The following GNB4 variants were observed in gnomAD, a reference collection of about 807,000 sequenced individuals.
GNB4 encodes G protein subunit beta 4.
Under a neutral mutation model 45.2 loss-of-function variants are expected in GNB4, and 28 were observed. The observed-to-expected ratio is 0.62, with a 90% CI of 0.46 to 0.85. The LOEUF (loss-of-function observed/expected upper bound fraction) is 0.85, where lower values mean the gene tolerates loss of function less well. Among genes scored for constraint, GNB4 ranks in the 40% least tolerant of loss-of-function variants. GNB4 has a pLI of 0.00. For missense variants in GNB4, 321 were observed against 425.4 expected, an observed-to-expected ratio of 0.75 and a Z score of 2.16; for synonymous variants, 132 against 143.7, an observed-to-expected ratio of 0.92 and a Z score of 0.58.
chr3:179,461,116 G>A, the GNB4 span, among the ~76,000 whole-genome samples: 9 of 151,830 alleles, frequency 5.9e-5, no homozygotes, highest in Non-Finnish European at 1.3e-4. Context: ...TATCTTCCTC[G>A]TCCATCTCCT....
At chr3:179,414,810 TC>T in intron 6 of GNB4, 74 bp downstream of exon 6, 4 of 1,220,772 alleles carry the variant, frequency 3.3e-6, no homozygotes, top group Admixed American at 4.1e-5. Flanking sequence ...CCGAGCACAA[TC>T]TGTCATTTGT....
chr3:179,482,594 G>C, the GNB4 span, among the ~76,000 whole-genome samples: 2 of 152,094 alleles, frequency 1.3e-5, no homozygotes, highest in East Asian at 3.9e-4. Context: ...AGACATTGAG[G>C]CTGTAGTTCC....
At chr3:179,461,780 T>C in the GNB4 span, among the ~76,000 whole-genome samples, 1 of 152,252 alleles carries the variant, frequency 6.6e-6, no homozygotes. Context: ...TATTAAATTC[T>C]ACCTTTCATT....
chr3:179,475,542 G>T, the GNB4 span, among the ~76,000 whole-genome samples: 1 of 151,784 alleles, frequency 6.6e-6, no homozygotes, highest in African/African-American at 2.4e-5. Context: ...GCGAGATCTC[G>T]GCTCACTGCA....
the GNB4 span, among the ~76,000 whole-genome samples, chr3:179,519,409 G>T: frequency 6.6e-6 from 1 of 152,262 alleles, no homozygotes; most frequent in South Asian, 2.1e-4. Context: ...TCACAGTGGA[G>T]GGTAAGTCCA....
At chr3:179,484,912 G>C in the GNB4 span, among the ~76,000 whole-genome samples, 6 of 149,782 alleles carry the variant, frequency 4.0e-5, no homozygotes, top group Admixed American at 4.0e-4. Context: ...TTGATCAGTT[G>C]ACAAAAATTT....
intron 8 of GNB4, 43 bp downstream of exon 8, chr3:179,413,369 T>C: frequency 6.7e-7 from 1 of 1,499,104 alleles, no homozygotes; most frequent in Non-Finnish European, 9.3e-7. Context: ...GCTCAACACT[T>C]TAAATGCATA....
At chr3:179,496,733 C>G in the GNB4 span, among the ~76,000 whole-genome samples, 1 of 151,790 alleles carries the variant, frequency 6.6e-6, no homozygotes, top group African/African-American at 2.4e-5. Flanking sequence ...AAAACTGTAA[C>G]GGGAGACAAA....
At chr3:179,460,765 A>G in the GNB4 span, among the ~76,000 whole-genome samples, 1 of 152,036 alleles carries the variant, frequency 6.6e-6, no homozygotes, top group African/African-American at 2.4e-5. Context: ...CAGCCTCCCA[A>G]GTAGCTGGGA....
Position 179,397,095 on chromosome 3 carries a change from G to A in GNB4, c.*4118C>T, listed in dbSNP as rs938122066. ...TTTTAAAAAAATTCAGCCTGACTCC[G>A]ACCCTGAAGATTTCAGAAAGAACAT... On this transcript the variant is annotated 3_prime_UTR_variant, in exon 10 of 10. Coordinates refer to ENST00000232564, the MANE Select transcript of GNB4 (RefSeq NM_021629.4). 1 of 152,104 alleles carries A rather than the reference G, an allele frequency of 6.6e-6. No homozygotes were observed. The highest frequency in any genetic ancestry group is 1.5e-5 in the Non-Finnish European group (1 of 68,002). 9.4% of individuals were successfully genotyped at this position (152,104 alleles called of 1,614,324 possible).
chr3:179,482,375 G>A, the GNB4 span, among the ~76,000 whole-genome samples: 15 of 152,144 alleles, frequency 9.9e-5, no homozygotes, highest in East Asian at 2.9e-3. Context: ...AAAATATTAG[G>A]GTGGGTTCTC....
the GNB4 span, among the ~76,000 whole-genome samples, chr3:179,470,845 G>T: frequency 6.6e-6 from 1 of 152,128 alleles, no homozygotes. Context: ...CTACAAAAGA[G>T]TCAAAAAGTT....
chr3:179,473,746 G>A, the GNB4 span, among the ~76,000 whole-genome samples: 2 of 152,194 alleles, frequency 1.3e-5, no homozygotes, highest in African/African-American at 2.4e-5. Flanking sequence ...CTGAGTCACA[G>A]ATGTTTGAAA....
At chr3:179,408,121 GGTAA>G (rs1311323418) in intron 8 of GNB4, among the ~76,000 whole-genome samples, 4 of 151,778 alleles carry the variant, frequency 2.6e-5, no homozygotes, top group Admixed American at 6.6e-5. Context: ...CATCCAACAA[GGTAA>G]AATTCACAAT....
At chr3:179,469,167 A>C in the GNB4 span, among the ~76,000 whole-genome samples, 6 of 152,130 alleles carry the variant, frequency 3.9e-5, no homozygotes, top group Non-Finnish European at 8.8e-5. Context: ...TTGATGTCCT[A>C]TATCTTTCTA....
intron 4 of GNB4, among the ~76,000 whole-genome samples, chr3:179,418,470 C>CAAAAAAAAAAAAAAAAAAAAAA (rs386356535): frequency 5.2e-5 from 5 of 95,392 alleles, no homozygotes; most frequent in Non-Finnish European, 1.0e-4. Flanking sequence ...AACTCTGTCT[C>CAAAAAAAAAAAAAAAAAAAAAA]AAAAAAAAAA....
rs1178933073 is a variant in GNB4, at chr3:179,426,169, G to C, written c.32C>G (p.Ala11Gly). Residue 11 changes from alanine to glycine, a missense_variant, in exon 2 of 10, where the codon GCA (alanine) becomes GGA (glycine). Physicochemically the swap from Ala to Gly is moderately conservative, Grantham distance 60. Coordinates refer to ENST00000232564, the MANE Select transcript of GNB4 (RefSeq NM_021629.4). ...CTGAATCTGATTCCGCAGTTGTTCTGCTTCTTGCCTCAACTGTTCCAGTTC... is the reference window on the plus strand; with the variant it reads ...CTGAATCTGATTCCGCAGTTGTTCTCCTTCTTGCCTCAACTGTTCCAGTTC... MSELEQLRQE[A>G]EQLRNQIQDA... 6.2e-7 allele frequency: 1 copy of C among 1,603,678 alleles called. No individual in the cohort carries two copies. The highest frequency in any genetic ancestry group is 1.3e-5 in the African/African-American group (1 of 74,178).
the GNB4 span, among the ~76,000 whole-genome samples, chr3:179,510,762 G>A: frequency 2.0e-5 from 3 of 152,168 alleles, no homozygotes; most frequent in Admixed American, 6.5e-5. Context: ...GTTATAGGCT[G>A]ACATTCCTGA....
At chr3:179,413,875 A>G in intron 6 of GNB4, 94 bp from the exon 7 acceptor site, 2 of 882,844 alleles carry the variant, frequency 2.3e-6, no homozygotes, top group Non-Finnish European at 3.6e-6. Context: ...AAAATAGAAT[A>G]CTTGGGCAAC....
Sources: allele counts gnomAD v4.1 joint callset (sites outside exome capture counted in the v4.1 genomes callset), GRCh38; gene constraint gnomAD v4.1.1; transcripts MANE v1.5; gene names NCBI Gene and HGNC (gene_info 2026-07-23, HGNC 2026-07-21).